SYNDIG1: variants seen among roughly 807,000 people sequenced by gnomAD.
SYNDIG1 encodes the protein synapse differentiation inducing 1.
In SYNDIG1, 9 loss-of-function variants were observed where a neutral mutation model predicts 19.4. The observed-to-expected ratio is 0.46, with a 90% CI of 0.28 to 0.81. SYNDIG1 has a LOEUF of 0.81. Ranked by LOEUF, SYNDIG1 falls within the 30% of genes least tolerant of loss-of-function variation. The pLI is 0.12. For synonymous variants in SYNDIG1, 141 were observed against 145.9 expected (o/e 0.97, Z 0.24); for missense variants, 311 against 343.3 (o/e 0.91, Z 0.74).
chr20:24,617,743 G>A (rs1313609356), intron 3 of SYNDIG1, among the ~76,000 whole-genome samples: 2 of 151,560 alleles, frequency 1.3e-5, no homozygotes, highest in East Asian at 2.0e-4. Flanking sequence ...GGAGGCTGAG[G>A]GAGAGCTCGG....
intron 1 of SYNDIG1, among the ~76,000 whole-genome samples, chr20:24,493,698 G>T (rs2056220230): frequency 6.6e-6 from 1 of 152,246 alleles, no homozygotes. Flanking sequence ...AGTGGAGTTG[G>T]TGAGCAGTGG....
At chr20:24,513,309 A>G (rs1391118521) in intron 1 of SYNDIG1, among the ~76,000 whole-genome samples, 1 of 152,226 alleles carries the variant, frequency 6.6e-6, no homozygotes, top group Non-Finnish European at 1.5e-5. Context: ...AGAAGGCTTC[A>G]GACGATCAAA....
chr20:24,626,364 C>G (rs146387089), intron 3 of SYNDIG1, among the ~76,000 whole-genome samples: 2 of 148,396 alleles, frequency 1.3e-5, no homozygotes, highest in African/African-American at 2.5e-5. Flanking sequence ...TCAGACAGGA[C>G]GGCCGGGCAG....
At chr20:24,607,496 G>A (rs1280529544) in intron 3 of SYNDIG1, among the ~76,000 whole-genome samples, 1 of 152,224 alleles carries the variant, frequency 6.6e-6, no homozygotes. Flanking sequence ...CTGCTGGGGT[G>A]GAGAGTGGGG....
At chr20:24,483,954 A>AT (rs1367428503) in intron 1 of SYNDIG1, among the ~76,000 whole-genome samples, 1 of 152,180 alleles carries the variant, frequency 6.6e-6, no homozygotes, top group East Asian at 1.9e-4. Flanking sequence ...AGGAGTAGAA[A>AT]TAAGGGGTCT....
intron 3 of SYNDIG1, among the ~76,000 whole-genome samples, chr20:24,615,839 C>G (rs1293221594): frequency 6.7e-6 from 1 of 150,144 alleles, no homozygotes. Flanking sequence ...CCTCCCCCAC[C>G]CGCCCCTCTC....
At chr20:24,498,364 T>C (rs1473555412) in intron 1 of SYNDIG1, among the ~76,000 whole-genome samples, 1 of 152,216 alleles carries the variant, frequency 6.6e-6, no homozygotes, top group Non-Finnish European at 1.5e-5. Flanking sequence ...GTGTATATTA[T>C]ATAGTGTATA....
chr20:24,585,030 G>A, intron 3 of SYNDIG1, 37 bp downstream of exon 3: 2 of 1,547,960 alleles, frequency 1.3e-6, no homozygotes, highest in Non-Finnish European at 8.7e-7. Flanking sequence ...TGGTGTGCAG[G>A]TGTTCACAGG....
At chr20:24,560,800 A>G (rs1163187234) in intron 2 of SYNDIG1, among the ~76,000 whole-genome samples, 1 of 149,418 alleles carries the variant, frequency 6.7e-6, no homozygotes, top group Non-Finnish European at 1.5e-5. Context: ...GACAACTTGA[A>G]TGATATAGCA....
intron 2 of SYNDIG1, among the ~76,000 whole-genome samples, chr20:24,552,252 T>A (rs1381249201): frequency 2.6e-5 from 4 of 152,160 alleles, no homozygotes; most frequent in African/African-American, 9.7e-5. Flanking sequence ...AACCTGCTGC[T>A]CCACACACAG....
At chr20:24,571,389 ACT>A (rs2058140729) in intron 2 of SYNDIG1, among the ~76,000 whole-genome samples, 1 of 151,414 alleles carries the variant, frequency 6.6e-6, no homozygotes, top group Non-Finnish European at 1.5e-5. Flanking sequence ...GTATATGGGA[ACT>A]CTCTGTTCTA....
In SYNDIG1 at chr20:24,664,372, G is replaced by A. The variant is rs1022706417; in HGVS notation, c.619-974G>A. On this transcript the variant is annotated intron_variant, in intron 3 of 3. Coordinates refer to ENST00000376862, the MANE Select transcript of SYNDIG1 (RefSeq NM_024893.3). Reference sequence around the variant, plus strand: ...CTGACCTTAGGTGGAAATGGGACCCGGTAGAAATCTGGCTTTCTGGAGACG... The same window carrying A: ...CTGACCTTAGGTGGAAATGGGACCCAGTAGAAATCTGGCTTTCTGGAGACG... Among the ~76,000 whole-genome samples, 10 of 152,256 alleles carry A rather than the reference G, an allele frequency of 6.6e-5. No individual in the cohort carries two copies. In the East Asian group the frequency reaches 7.7e-4, roughly 12 times the overall value.
intron 3 of SYNDIG1, among the ~76,000 whole-genome samples, chr20:24,600,579 T>C (rs79321087): frequency 0.029 from 4,469 of 151,544 alleles, 146 homozygotes; most frequent in African/African-American, 0.08. Flanking sequence ...TTGAGTTCCT[T>C]AACCTTCATG....
chr20:24,523,560 G>T (rs2057052683), intron 1 of SYNDIG1, among the ~76,000 whole-genome samples: 1 of 152,198 alleles, frequency 6.6e-6, no homozygotes. Context: ...TCTGTATTCA[G>T]CTCCTGAATC....
At chr20:24,607,082 G>A (rs140041065) in intron 3 of SYNDIG1, among the ~76,000 whole-genome samples, 93 of 152,250 alleles carry the variant, frequency 6.1e-4, no homozygotes, top group Non-Finnish European at 1.0e-3. Context: ...CACCTTGGCC[G>A]GGCACCATGG....
intron 1 of SYNDIG1, among the ~76,000 whole-genome samples, chr20:24,542,095 C>T (rs1230196459): frequency 6.6e-6 from 1 of 152,038 alleles, no homozygotes; most frequent in Non-Finnish European, 1.5e-5. Flanking sequence ...GCGGAAATGA[C>T]AAAATAAAAT....
chr20:24,635,407 C>G (rs1311171825), intron 3 of SYNDIG1, among the ~76,000 whole-genome samples: 2 of 152,184 alleles, frequency 1.3e-5, no homozygotes, highest in Non-Finnish European at 2.9e-5. Context: ...CTCTTCATTC[C>G]TGGTCATCTT....
At chr20:24,602,770 A>G (rs1208388333) in intron 3 of SYNDIG1, among the ~76,000 whole-genome samples, 2 of 152,226 alleles carry the variant, frequency 1.3e-5, no homozygotes, top group Non-Finnish European at 2.9e-5. Flanking sequence ...TAGAAGGGTT[A>G]CCAGTCTGGC....
chr20:24,491,505 A>G (rs1047744414), intron 1 of SYNDIG1: 1 of 152,292 alleles, frequency 6.6e-6, no homozygotes, highest in African/African-American at 2.4e-5. Flanking sequence ...ACAGCTGCGC[A>G]CAGGGTGAGC....
Sources: gnomAD v4.1 joint callset for allele counts (sites outside exome capture counted in the v4.1 genomes callset) on GRCh38, gnomAD v4.1.1 for gene constraint, MANE v1.5 for transcripts, NCBI Gene and HGNC (gene_info 2026-07-23, HGNC 2026-07-21) for gene names.